The following NIPA1 variants were observed in gnomAD, a reference collection of about 807,000 sequenced individuals.
NIPA1 encodes NIPA magnesium transporter 1, also known as magnesium transporter NIPA1.
A neutral mutation model predicts 23.9 loss-of-function variants in NIPA1; 13 were observed. The ratio of observed to expected loss-of-function variants is 0.54; its 90% confidence interval spans 0.35 to 0.87. The LOEUF (loss-of-function observed/expected upper bound fraction) is 0.87. Ranked by LOEUF, NIPA1 falls within the 40% of genes least tolerant of loss-of-function variation. NIPA1 has a pLI of 0.01. For missense variants in NIPA1, 362 were observed against 429.7 expected, an observed-to-expected ratio of 0.84 and a Z score of 1.39; for synonymous variants, 234 against 202.9, an observed-to-expected ratio of 1.15 and a Z score of -1.30.
chr15:22,814,603 T>C (rs897537718), intron 3 of NIPA1, among the ~76,000 whole-genome samples: 5 of 152,122 alleles, frequency 3.3e-5, no homozygotes, highest in African/African-American at 1.2e-4. Context: ...AATGTGGCAC[T>C]GGAAAAATAA....
chr15:22,804,412 C>T (rs1179827888), intron 1 of NIPA1, among the ~76,000 whole-genome samples: 3 of 152,098 alleles, frequency 2.0e-5, no homozygotes, highest in East Asian at 1.9e-4. Flanking sequence ...TGAGCCACTG[C>T]GCCTGGCCTA....
chr15:22,828,564 C>T lies in NIPA1; in HGVS notation c.*4325C>T, dbSNP rs1177206358. On this transcript the variant is annotated 3_prime_UTR_variant, in exon 5 of 5. Transcript: ENST00000337435. ...ACTCATTTGTTTCATTCACATTCCTCACGTGCAACAACATAATTATATTTT... is the reference window on the plus strand; with the variant it reads ...ACTCATTTGTTTCATTCACATTCCTTACGTGCAACAACATAATTATATTTT... The T allele has an allele frequency of 6.6e-6, 1 of 152,532 alleles. No individual in the cohort carries two copies. Among genetic ancestry groups the T allele is most frequent in the Non-Finnish European group, 1.5e-5 (1 of 68,024 alleles). The allele number at this position is 152,532 out of a possible 1,614,324, so 9.4% of individuals were successfully genotyped here. A position where few individuals can be genotyped will look rare whatever the true frequency, so the allele number is the denominator to read the frequency against.
At chr15:22,819,175 CGTT>C (rs1401659247) in intron 3 of NIPA1, 1 of 152,142 alleles carries the variant, frequency 6.6e-6, no homozygotes, top group Non-Finnish European at 1.5e-5. Flanking sequence ...AAAAGTAGGC[CGTT>C]TAGGACCTGT....
intron 1 of NIPA1, among the ~76,000 whole-genome samples, chr15:22,802,698 C>T (rs12102090): frequency 0.12 from 18,306 of 152,026 alleles, 2,688 homozygotes; most frequent in East Asian, 0.57. Flanking sequence ...AGAAAGTTCC[C>T]TGGTGCCTCA....
At chr15:22,795,968 G>A (rs1337400978) in intron 1 of NIPA1, among the ~76,000 whole-genome samples, 9 of 152,002 alleles carry the variant, frequency 5.9e-5, no homozygotes, top group East Asian at 1.9e-4. Context: ...GTCTTTTTCC[G>A]TCGCCCAGGC....
chr15:22,798,645 G>A (rs1359261317), intron 1 of NIPA1, among the ~76,000 whole-genome samples: 3 of 146,924 alleles, frequency 2.0e-5, no homozygotes, highest in Non-Finnish European at 3.0e-5. Flanking sequence ...TCAGGAGATC[G>A]AGACCATCCT....
intron 3 of NIPA1, 78 bp downstream of exon 3, chr15:22,812,331 AG>A (rs1156776223): frequency 4.3e-5 from 46 of 1,061,468 alleles, no homozygotes; most frequent in Non-Finnish European, 6.1e-5. Context: ...TTTCTGTTAA[AG>A]TAATAAGAGC....
At chr15:22,804,287 T>C (rs1475599940) in intron 1 of NIPA1, among the ~76,000 whole-genome samples, 1 of 151,638 alleles carries the variant, frequency 6.6e-6, no homozygotes, top group African/African-American at 2.4e-5. Flanking sequence ...TGGGCCCGGC[T>C]AATTTTTGTA....
intron 3 of NIPA1, among the ~76,000 whole-genome samples, chr15:22,818,296 T>A (rs977005295): frequency 6.7e-6 from 1 of 150,330 alleles, no homozygotes; most frequent in African/African-American, 2.5e-5. Flanking sequence ...ATTAGCCTGG[T>A]GTGGTGGCAC....
At chr15:22,794,311 T>C (rs1013986927) in intron 1 of NIPA1, among the ~76,000 whole-genome samples, 1 of 125,484 alleles carries the variant, frequency 8.0e-6, no homozygotes, top group East Asian at 2.6e-4. Flanking sequence ...GTGACATTCA[T>C]AGAGACAGGA....
intron 3 of NIPA1, among the ~76,000 whole-genome samples, chr15:22,813,207 C>T (rs1895352981): frequency 6.6e-6 from 1 of 152,102 alleles, no homozygotes; most frequent in African/African-American, 2.4e-5. Flanking sequence ...AGTTTTTGCC[C>T]ATGCCAAGGG....
intron 1 of NIPA1, among the ~76,000 whole-genome samples, chr15:22,792,795 A>C (rs1894860177): frequency 6.6e-6 from 1 of 151,998 alleles, no homozygotes. Context: ...CTGTACTAAA[A>C]ATACAGAAAT....
At chr15:22,796,839 T>G (rs1894947875) in intron 1 of NIPA1, among the ~76,000 whole-genome samples, 1 of 152,070 alleles carries the variant, frequency 6.6e-6, no homozygotes, top group South Asian at 2.1e-4. Context: ...CAGCCGGGGC[T>G]CTTTACTGTG....
At chr15:22,813,606 A>G in intron 3 of NIPA1, 1 of 455,774 alleles carries the variant, frequency 2.2e-6, no homozygotes, top group Non-Finnish European at 4.4e-6. Flanking sequence ...TAACTCATGG[A>G]TACATTGGTT....
chr15:22,794,975 C>T (rs1894911812), intron 1 of NIPA1, among the ~76,000 whole-genome samples: 1 of 152,152 alleles, frequency 6.6e-6, no homozygotes. Flanking sequence ...CACGTGTCCA[C>T]TGGGAGGAAT....
At chr15:22,797,303 G>A (rs1242737961) in intron 1 of NIPA1, among the ~76,000 whole-genome samples, 4 of 151,760 alleles carry the variant, frequency 2.6e-5, no homozygotes, top group Non-Finnish European at 4.4e-5. Flanking sequence ...TCTGTCTCCC[G>A]GGTTCACACC....
At chr15:22,793,801 C>T (rs1378543457) in intron 1 of NIPA1, among the ~76,000 whole-genome samples, 1 of 152,138 alleles carries the variant, frequency 6.6e-6, no homozygotes, top group Non-Finnish European at 1.5e-5. Context: ...ATTAAGTTTT[C>T]CTAGCTACAT....
chr15:22,803,550 G>A (rs1203748158), intron 1 of NIPA1, among the ~76,000 whole-genome samples: 1 of 119,160 alleles, frequency 8.4e-6, no homozygotes, highest in Non-Finnish European at 1.6e-5. Context: ...ACTCTGTTGC[G>A]TAGGCTGGAG....
At chr15:22,796,098 T>C (rs1351178273) in intron 1 of NIPA1, among the ~76,000 whole-genome samples, 2 of 151,850 alleles carry the variant, frequency 1.3e-5, no homozygotes, top group African/African-American at 4.8e-5. Flanking sequence ...TTATATATTT[T>C]TTTTTTAGAG....
Sources: gnomAD v4.1 joint callset for allele counts (sites outside exome capture counted in the v4.1 genomes callset) on GRCh38, gnomAD v4.1.1 for gene constraint, MANE v1.5 for transcripts, NCBI Gene and HGNC (gene_info 2026-07-23, HGNC 2026-07-21) for gene names.